Variants in RPRD1B observed in about 807,000 individuals in gnomAD.
RPRD1B encodes regulation of nuclear pre-mRNA domain containing 1B, also known as regulation of nuclear pre-mRNA domain-containing protein 1B.
RPRD1B carries 11 observed loss-of-function variants against 41.5 expected under a neutral mutation model. The ratio of observed to expected loss-of-function variants is 0.27; its 90% CI spans 0.17 to 0.44. The LOEUF is 0.44. RPRD1B is among the 20% of genes least tolerant of loss of function. RPRD1B has a pLI of 1.00. For synonymous variants in RPRD1B, 158 were observed against 155.6 expected (o/e 1.02, Z -0.12); for missense variants, 248 against 389.9 (o/e 0.64, Z 3.06).
chr20:38,071,514 G>A (rs569194461), intron 6 of RPRD1B, among the ~76,000 whole-genome samples: 1 of 152,124 alleles, frequency 6.6e-6, no homozygotes, highest in African/African-American at 2.4e-5. Flanking sequence ...GGAGGTTTTT[G>A]TGTGGCCATA....
At chr20:38,080,016 C>T (rs1304052168) in intron 6 of RPRD1B, among the ~76,000 whole-genome samples, 2 of 152,114 alleles carry the variant, frequency 1.3e-5, no homozygotes, top group African/African-American at 4.8e-5. Context: ...GCATGTATGT[C>T]TTCTTTTGAA....
chr20:38,088,859 T>G (rs1303358559), intron 6 of RPRD1B, among the ~76,000 whole-genome samples: 1 of 152,106 alleles, frequency 6.6e-6, no homozygotes, highest in African/African-American at 2.4e-5. Flanking sequence ...GCAAGGATTT[T>G]CCTAGAGAGG....
At chr20:38,057,711 C>A in intron 4 of RPRD1B, 67 bp downstream of exon 4, 1 of 1,140,204 alleles carries the variant, frequency 8.8e-7, no homozygotes, top group Non-Finnish European at 1.3e-6. Context: ...AGACTATGGC[C>A]ACAAGGTGGC....
chr20:38,054,611 G>A lies in RPRD1B; in HGVS notation c.416-2921G>A, dbSNP rs371041508. Among the ~76,000 whole-genome samples, 33 of 152,212 alleles carry A rather than the reference G, an allele frequency of 2.2e-4. No individual in the cohort carries two copies. In the East Asian group the frequency reaches 3.9e-3, roughly 18 times the overall value. ...TTGAGTTGGGGGAAACAAAGGCATG[G>A]GTCTGTCTAAGTCCTCCCAGTGCCA... is the stretch of plus-strand genomic sequence containing the variant. On this transcript the variant is annotated intron_variant, in intron 3 of 6. Transcript: ENST00000373433.
intron 1 of RPRD1B, among the ~76,000 whole-genome samples, chr20:38,038,946 G>T (rs2074034893): frequency 6.6e-6 from 1 of 152,174 alleles, no homozygotes; most frequent in South Asian, 2.1e-4. Flanking sequence ...GTGTTTTTCA[G>T]GTACTTTAGC....
chr20:38,059,992 A>T (rs138402684), intron 5 of RPRD1B, among the ~76,000 whole-genome samples: 2 of 152,344 alleles, frequency 1.3e-5, no homozygotes, highest in Middle Eastern at 3.4e-3. Context: ...ATTTTGCCCT[A>T]GTCGTGACCT....
At chr20:38,079,338 C>T (rs1218137545) in intron 6 of RPRD1B, among the ~76,000 whole-genome samples, 3 of 151,128 alleles carry the variant, frequency 2.0e-5, no homozygotes, top group Admixed American at 1.3e-4. Flanking sequence ...AGGTATTTGG[C>T]GTACAGATAA....
At chr20:38,087,348 C>A (rs772725788) in intron 6 of RPRD1B, among the ~76,000 whole-genome samples, 1 of 152,216 alleles carries the variant, frequency 6.6e-6, no homozygotes, top group Non-Finnish European at 1.5e-5. Flanking sequence ...TCCATTTTAA[C>A]TTCAATGAAC....
Position 38,048,416 on chromosome 20 carries a change from A to G in RPRD1B, c.350A>G (p.Tyr117Cys). The change falls in exon 3 of 7, where the codon TAT (tyrosine) becomes TGT (cysteine). Residue 117 changes from tyrosine (Y) to cysteine (C), a missense_variant. Tyr to Cys is a radical substitution (Grantham distance 194). Transcript: ENST00000373433. Reference protein sequence around the residue: ...LLNIWQERSVYGGEFIQQLKL... With the variant: ...LLNIWQERSVCGGEFIQQLKL... ...AACATCTGGCAAGAACGAAGTGTGT[A>G]TGGCGGCGAGTTCATACAGCAGCTG... is the stretch of plus-strand genomic sequence containing the variant. 3 of 1,614,114 alleles carry G rather than the reference A, an allele frequency of 1.9e-6. No homozygotes were observed. Among genetic ancestry groups the G allele is most frequent in the Non-Finnish European group, 2.5e-6 (3 of 1,179,976 alleles).
At chr20:38,045,464 G>C (rs1486600803) in intron 2 of RPRD1B, among the ~76,000 whole-genome samples, 1 of 152,148 alleles carries the variant, frequency 6.6e-6, no homozygotes, top group Non-Finnish European at 1.5e-5. Flanking sequence ...GCAAAACTTT[G>C]ATTTACCACA....
At chr20:38,076,370 T>G (rs1334408643) in intron 6 of RPRD1B, among the ~76,000 whole-genome samples, 5 of 152,334 alleles carry the variant, frequency 3.3e-5, no homozygotes, top group African/African-American at 1.2e-4. Flanking sequence ...AGTTGTTAGC[T>G]TCCACCTTCC....
chr20:38,063,168 G>T (rs2074317813), intron 5 of RPRD1B, among the ~76,000 whole-genome samples: 1 of 151,936 alleles, frequency 6.6e-6, no homozygotes. Flanking sequence ...TACATAGCTG[G>T]TTCTCATTTT....
intron 3 of RPRD1B, 35 bp from the exon 4 acceptor site, chr20:38,057,497 T>A: frequency 2.7e-6 from 4 of 1,464,088 alleles, no homozygotes; most frequent in East Asian, 2.3e-5. Flanking sequence ...CTACAGGATA[T>A]GTGACTCAAA....
At chr20:38,046,278 G>C (rs909020832) in intron 2 of RPRD1B, among the ~76,000 whole-genome samples, 1 of 152,154 alleles carries the variant, frequency 6.6e-6, no homozygotes, top group African/African-American at 2.4e-5. Context: ...AACCTTCATT[G>C]GTCGAGCTGA....
chr20:38,071,783 C>T (rs752442752), intron 6 of RPRD1B, among the ~76,000 whole-genome samples: 2 of 152,154 alleles, frequency 1.3e-5, no homozygotes, highest in Non-Finnish European at 2.9e-5. Flanking sequence ...TAATTACTAA[C>T]GATACTGATC....
Position 38,082,682 on chromosome 20 carries a change from C to T in RPRD1B, c.832-7044C>T, listed in dbSNP as rs7274913. On this transcript the variant is annotated intron_variant, in intron 6 of 6. Coordinates refer to ENST00000373433, the MANE Select transcript of RPRD1B (RefSeq NM_021215.4). ...GATTACAGGCGTGAGCCACCACGCC[C>T]GGCCTGAACTTGTATTTTCTGACTT... Among the ~76,000 whole-genome samples the T allele has an allele frequency of 3.8e-3, 577 of 152,296 alleles. 2 individuals carry two copies. The highest frequency in any genetic ancestry group is 0.012 in the African/African-American group (512 of 41,554).
chr20:38,035,397 G>C (rs1337865969), intron 1 of RPRD1B, among the ~76,000 whole-genome samples: 1 of 152,206 alleles, frequency 6.6e-6, no homozygotes, highest in Non-Finnish European at 1.5e-5. Flanking sequence ...CAGATGTCCT[G>C]CTCTACAGGT....
chr20:38,074,580 A>T (rs1242178225), intron 6 of RPRD1B, among the ~76,000 whole-genome samples: 1 of 152,166 alleles, frequency 6.6e-6, no homozygotes, highest in African/African-American at 2.4e-5. Context: ...TGGGCAGTGT[A>T]ACCCCTGCTT....
chr20:38,054,221 G>A (rs925418784), intron 3 of RPRD1B, among the ~76,000 whole-genome samples: 2 of 152,156 alleles, frequency 1.3e-5, no homozygotes, highest in Non-Finnish European at 1.5e-5. Flanking sequence ...GAAAGTGTTC[G>A]TAATGGAAAT....
Sources: allele counts gnomAD v4.1 joint callset (sites outside exome capture counted in the v4.1 genomes callset), GRCh38; gene constraint gnomAD v4.1.1; transcripts MANE v1.5; gene names NCBI Gene and HGNC (gene_info 2026-07-23, HGNC 2026-07-21).